The following FGD2 variants were observed in gnomAD, a reference collection of about 807,000 sequenced individuals.
FGD2 encodes the protein FYVE, RhoGEF and PH domain containing 2, also known as FYVE, RhoGEF and PH domain-containing protein 2.
In FGD2, 52 loss-of-function variants were observed where a neutral mutation model predicts 75.9. That is an observed-to-expected ratio of 0.69 (90% CI 0.55 to 0.86). FGD2 has a LOEUF of 0.86. Ranked by LOEUF, FGD2 falls within the 40% of genes least tolerant of loss-of-function variation. The pLI is 0.00. For missense variants in FGD2, 790 were observed against 872.0 expected (o/e 0.91, Z 1.18); for synonymous variants, 347 against 348.6 (o/e 1.00, Z 0.05).
chr6:37,007,819 G>C (rs1299051141), intron 1 of FGD2, among the ~76,000 whole-genome samples: 1 of 152,228 alleles, frequency 6.6e-6, no homozygotes, highest in Non-Finnish European at 1.5e-5. Flanking sequence ...CCAGGGACTG[G>C]GGTGCCAGGG....
At chr6:37,018,971 C>G (rs1023420897) in intron 9 of FGD2, among the ~76,000 whole-genome samples, 2 of 152,186 alleles carry the variant, frequency 1.3e-5, no homozygotes, top group African/African-American at 2.4e-5. Flanking sequence ...CTCTTGAAAC[C>G]TGCTGGGGAG....
In FGD2 at chr6:37,022,340, C is replaced by T; in HGVS notation, c.1428C>T (p.Arg476=). The T allele has an allele frequency of 6.3e-7, 1 of 1,589,142 alleles. No individual in the cohort carries two copies. The highest frequency in any genetic ancestry group is 8.5e-7 in the Non-Finnish European group (1 of 1,169,724). ...RCQEPFNALT[R]RRHHCRACGY... ...AGGAGCCCTTCAACGCTCTGACGCG[C>T]CGTCGCCACCACTGCCGGGCCTGCG... is the stretch of plus-strand genomic sequence containing the variant. Residue 476 remains arginine, a synonymous_variant, in exon 13 of 16, where the codon CGC becomes CGT. Transcript: ENST00000274963.
chr6:37,014,005 T>C lies in FGD2; in HGVS notation c.728T>C (p.Leu243Pro). 2 of 1,614,052 alleles carry C rather than the reference T, an allele frequency of 1.2e-6. No homozygotes were observed. The highest frequency in any genetic ancestry group is 1.7e-6 in the Non-Finnish European group (2 of 1,179,956). ...SGSLTLQHHMLEPVQRIPRYE... is the reference protein window; with the variant it reads ...SGSLTLQHHMPEPVQRIPRYE... Reference sequence around the variant, plus strand: ...AGCCTGACCCTGCAGCACCACATGCTGGAACCAGTGCAGAGAATTCCACGT... The same window carrying C: ...AGCCTGACCCTGCAGCACCACATGCCGGAACCAGTGCAGAGAATTCCACGT... The change falls in exon 6 of 16, where the codon CTG becomes CCG. Residue 243 changes from leucine (L) to proline (P), a missense_variant. Physicochemically the swap from Leu to Pro is moderately conservative, Grantham distance 98. Coordinates refer to ENST00000274963, the MANE Select transcript of FGD2 (RefSeq NM_173558.4).
In FGD2 at chr6:37,020,619, C is replaced by T. The variant is rs762301573; in HGVS notation, c.1201C>T (p.Arg401Trp). 10 of 1,601,394 alleles carry T rather than the reference C, an allele frequency of 6.2e-6. No individual in the cohort carries two copies. Among genetic ancestry groups the T allele is most frequent in the South Asian group, 2.3e-5 (2 of 88,638 alleles). The change falls in exon 10 of 16, where the codon CGG (arginine) becomes TGG (tryptophan). Residue 401 changes from arginine to tryptophan, a missense_variant and splice_region_variant. Physicochemically the swap from Arg to Trp is moderately radical, Grantham distance 101 (BLOSUM62 -3). Transcript: ENST00000274963. ...GCAGCGCACCCTGGAGCTGCAAGCC[C>T]GGTAAAGGAGCTGGGGTGGCGGCCC... Reference protein sequence around the residue: ...GKQRTLELQARSQEEMISWMQ... With the variant: ...GKQRTLELQAWSQEEMISWMQ...
intron 11 of FGD2, among the ~76,000 whole-genome samples, chr6:37,021,117 T>G (rs1765570623): frequency 6.6e-6 from 1 of 151,698 alleles, no homozygotes; most frequent in Non-Finnish European, 1.5e-5. Flanking sequence ...CGTGCTTGTG[T>G]GTATGTGTCT....
intron 4 of FGD2, 67 bp downstream of exon 4, chr6:37,011,921 C>A: frequency 6.4e-7 from 1 of 1,558,972 alleles, no homozygotes; most frequent in Non-Finnish European, 8.7e-7. Flanking sequence ...TGGGGAGACC[C>A]CAGGGCGCTA....
At chr6:37,012,940 A>G (rs546798919) in intron 4 of FGD2, 1 of 146,514 alleles carries the variant, frequency 6.8e-6, no homozygotes, top group East Asian at 2.1e-4. Flanking sequence ...AGGCCCTGCC[A>G]TGGGATGATC....
intron 11 of FGD2, 127 bp downstream of exon 11, chr6:37,020,866 G>A: frequency 7.9e-7 from 1 of 1,265,056 alleles, no homozygotes; most frequent in Non-Finnish European, 1.1e-6. Context: ...GGGCTGAAGG[G>A]GAGGGAGTGG....
chr6:37,011,525 C>T, intron 3 of FGD2, 181 bp from the exon 4 acceptor site: 1 of 776,258 alleles, frequency 1.3e-6, no homozygotes, highest in South Asian at 1.8e-5. Context: ...TTGCCTTGCT[C>T]ATCTGTAAAG....
Position 37,014,925 on chromosome 6 carries a change from C to A in FGD2, c.916C>A (p.Arg306Ser), listed in dbSNP as rs377492771. 1.2e-6 allele frequency: 2 copies of A among 1,614,130 alleles called. No homozygotes were observed. The highest frequency in any genetic ancestry group is 2.2e-5 in the East Asian group (1 of 44,882). Reference sequence around the variant, plus strand: ...GCAGGACCTGTGGGAGGTGTACCAGCGCCTGGGCCTCGAGGACGACATAGT... The same window carrying A: ...GCAGGACCTGTGGGAGGTGTACCAGAGCCTGGGCCTCGAGGACGACATAGT... ...RLQDLWEVYQ[R>S]LGLEDDIVDP... Residue 306 changes from arginine to serine, a missense_variant, in exon 8 of 16, where the codon CGC (arginine) becomes AGC (serine). Arg to Ser is a moderately radical substitution (Grantham distance 110, BLOSUM62 -1). Coordinates refer to ENST00000274963, the MANE Select transcript of FGD2 (RefSeq NM_173558.4).
chr6:37,028,399 G>T lies in FGD2; in HGVS notation c.*236G>T. Reference sequence around the variant, plus strand: ...TTGCCTTGCGGGGAGGGGGCTCCTGGGCCATGGGACTTCCAGTGCTAAAAC... The same window carrying T: ...TTGCCTTGCGGGGAGGGGGCTCCTGTGCCATGGGACTTCCAGTGCTAAAAC... On this transcript the variant is annotated 3_prime_UTR_variant, in exon 16 of 16. Transcript: ENST00000274963. 1 of 491,316 alleles carries T rather than the reference G, an allele frequency of 2.0e-6. No homozygotes were observed. Among genetic ancestry groups the T allele is most frequent in the Non-Finnish European group, 3.6e-6 (1 of 276,736 alleles). 30.4% of individuals were successfully genotyped at this position (491,316 alleles called of 1,614,324 possible).
intron 6 of FGD2, 145 bp from the exon 7 acceptor site, chr6:37,014,501 C>T: frequency 1.1e-6 from 1 of 890,530 alleles, no homozygotes; most frequent in East Asian, 2.6e-5. Flanking sequence ...ATTCAGACAC[C>T]CCATGGCTGG....
intron 9 of FGD2, among the ~76,000 whole-genome samples, chr6:37,018,759 T>C (rs917924142): frequency 2.6e-5 from 4 of 152,272 alleles, no homozygotes; most frequent in South Asian, 4.1e-4. Flanking sequence ...GTGAGAATTG[T>C]CCGGCAGATG....
Position 37,005,828 on chromosome 6 carries a change from C to T in FGD2, c.11C>T (p.Ala4Val). The change falls in exon 1 of 16, where the codon GCA (alanine) becomes GTA (valine). Residue 4 changes from alanine to valine, a missense_variant. Coordinates refer to ENST00000274963, the MANE Select transcript of FGD2 (RefSeq NM_173558.4). MKG[A>V]SEEKLASVSN... ...CCGGAAACCGGCAGGATGAAGGGGG[C>T]AAGTGAGGAGAAGCTGGCATCTGTG... The T allele has an allele frequency of 1.2e-6, 2 of 1,613,726 alleles. No homozygotes were observed. The highest frequency in any genetic ancestry group is 2.2e-5 in the East Asian group (1 of 44,878).
At chr6:37,021,648 A>G in intron 12 of FGD2, 44 bp downstream of exon 12, 1 of 1,532,052 alleles carries the variant, frequency 6.5e-7, no homozygotes, top group Non-Finnish European at 9.0e-7. Context: ...CACCAACCCA[A>G]ATAGAGCTTG....
intron 15 of FGD2, 130 bp downstream of exon 15, chr6:37,027,705 G>A: frequency 1.6e-6 from 2 of 1,233,492 alleles, no homozygotes; most frequent in Non-Finnish European, 2.2e-6. Context: ...TGAGGATATG[G>A]TATCCTGGAG....
chr6:37,021,055 C>G (rs189479204), intron 11 of FGD2, among the ~76,000 whole-genome samples: 1 of 149,490 alleles, frequency 6.7e-6, no homozygotes, highest in Non-Finnish European at 1.5e-5. Flanking sequence ...TGTGTGCATG[C>G]ATGTGTGCAT....
Position 37,005,986 on chromosome 6 carries a change from C to T in FGD2, c.68+101C>T. The T allele has an allele frequency of 5.2e-6, 7 of 1,336,476 alleles. No homozygotes were observed. In the South Asian group the frequency reaches 8.7e-5, roughly 17 times the overall value. 82.8% of individuals were successfully genotyped at this position (1,336,476 alleles called of 1,614,324 possible). On this transcript the variant is annotated intron_variant, in intron 1 of 15. Coordinates refer to ENST00000274963, the MANE Select transcript of FGD2 (RefSeq NM_173558.4). ...CTGGGCCCTGCCCCGGACCCTCCTC[C>T]TGCAGGGGCAGCCCCGCGTTCCTCG...
chr6:37,011,871 G>A lies in FGD2; in HGVS notation c.527+17G>A, dbSNP rs753995514. 10 of 1,612,096 alleles carry A rather than the reference G, an allele frequency of 6.2e-6. No individual in the cohort carries two copies. Among genetic ancestry groups the A allele is most frequent in the Admixed American group, 3.3e-5 (2 of 59,716 alleles). On this transcript the variant is annotated intron_variant, in intron 4 of 15. Transcript: ENST00000274963. The stretch of plus-strand genomic sequence containing the variant: ...GGACGACTGGTGAGGTCCACCAGGA[G>A]CCCCTGAGGCCTCAGACCACAGCCC...
Sources: allele counts gnomAD v4.1 joint callset (sites outside exome capture counted in the v4.1 genomes callset), GRCh38; gene constraint gnomAD v4.1.1; transcripts MANE v1.5; gene names NCBI Gene and HGNC (gene_info 2026-07-23, HGNC 2026-07-21).